The following ITPRIPL2 variants were observed in gnomAD, a reference collection of about 807,000 sequenced individuals.
The protein encoded by ITPRIPL2 is ITPRIP like 2.
Under a neutral mutation model 31.7 loss-of-function variants are expected in ITPRIPL2, and 29 were observed. The observed-to-expected ratio is 0.91, with a 90% CI of 0.68 to 1.25. ITPRIPL2 has a LOEUF of 1.25. Ranked by LOEUF, ITPRIPL2 falls within the 50% of genes most tolerant of loss-of-function variation. The probability of loss-of-function intolerance (pLI) is 0.00; values close to 1 mark genes in which losing one functional copy is unlikely to be tolerated. For synonymous variants in ITPRIPL2, 344 were observed against 343.4 expected (o/e 1.00, Z -0.02); for missense variants, 696 against 739.1 (o/e 0.94, Z 0.68).
Position 19,120,427 on chromosome 16 carries a change from A to G in ITPRIPL2, c.*4358A>G, listed in dbSNP as rs1314893275. The G allele has an allele frequency of 7.5e-6, 1 of 133,900 alleles. No individual in the cohort carries two copies. The highest frequency in any genetic ancestry group is 2.2e-4 in the East Asian group (1 of 4,492). 8.3% of individuals were successfully genotyped at this position (133,900 alleles called of 1,614,324 possible). On this transcript the variant is annotated 3_prime_UTR_variant, in exon 1 of 1. Transcript: ENST00000381440. ...GACTTCACCCCTGAATGTTTCTATC[A>G]TTTTCTTTTCTTTTTTTTTTTTTTT... is the stretch of plus-strand genomic sequence containing the variant.
rs1963448220 is a variant in ITPRIPL2, at chr16:19,116,651, A to G, written c.*582A>G. ...ATTAATGTATTTTTAAAATGGTGCA[A>G]TCACAGGTGTTTGACAAGATTGTCA... On this transcript the variant is annotated 3_prime_UTR_variant, in exon 1 of 1. Coordinates refer to ENST00000381440, the MANE Select transcript of ITPRIPL2 (RefSeq NM_001034841.4). 1 of 167,112 alleles carries G rather than the reference A, an allele frequency of 6.0e-6. No homozygotes were observed. The highest frequency in any genetic ancestry group is 1.5e-5 in the Non-Finnish European group (1 of 68,146). 10.4% of individuals were successfully genotyped at this position (167,112 alleles called of 1,614,324 possible). A position where few individuals can be genotyped will look rare whatever the true frequency, so the allele number is the denominator to read the frequency against.
At position 19,119,947 on chromosome 16, in the gene ITPRIPL2, A is replaced by G. The variant is rs1298457542; in HGVS notation, c.*3878A>G. 1 of 166,988 alleles carries G rather than the reference A, an allele frequency of 6.0e-6. No homozygotes were observed. 10.3% of individuals were successfully genotyped at this position (166,988 alleles called of 1,614,324 possible). On this transcript the variant is annotated 3_prime_UTR_variant, in exon 1 of 1. Coordinates refer to ENST00000381440, the MANE Select transcript of ITPRIPL2 (RefSeq NM_001034841.4). ...ATTGCAGAATAACTTGTTTCTTTGTATTTTATTCTTACATTTAAATTAATT... is the reference window on the plus strand; with the variant it reads ...ATTGCAGAATAACTTGTTTCTTTGTGTTTTATTCTTACATTTAAATTAATT...
rs1344046416 is a variant in ITPRIPL2, at chr16:19,114,539, C to T, written c.78C>T (p.Leu26=). ...GCCTGTGCACCGCCCTGGTGTGCCTCTACCATGTCCTGCGGGGAAGCGGGG... is the reference window on the plus strand; with the variant it reads ...GCCTGTGCACCGCCCTGGTGTGCCTTTACCATGTCCTGCGGGGAAGCGGGG... The part of the protein sequence containing the change: ...VTGLCTALVC[L]YHVLRGSGGA... The change falls in exon 1 of 1, where the codon CTC becomes CTT. Residue 26 remains leucine, a synonymous_variant. Coordinates refer to ENST00000381440, the MANE Select transcript of ITPRIPL2 (RefSeq NM_001034841.4). 1 of 1,516,306 alleles carries T rather than the reference C, an allele frequency of 6.6e-7. No individual in the cohort carries two copies. The highest frequency in any genetic ancestry group is 8.8e-7 in the Non-Finnish European group (1 of 1,134,190). 93.9% of individuals were successfully genotyped at this position (1,516,306 alleles called of 1,614,324 possible).
chr16:19,119,039 T>C lies in ITPRIPL2; in HGVS notation c.*2970T>C, dbSNP rs1030519964. 3 of 413,484 alleles carry C rather than the reference T, an allele frequency of 7.3e-6. No individual in the cohort carries two copies. The highest frequency in any genetic ancestry group is 3.6e-5 in the East Asian group (1 of 28,088). The allele number at this position is 413,484 out of a possible 1,614,324, so 25.6% of individuals were successfully genotyped here. On this transcript the variant is annotated 3_prime_UTR_variant, in exon 1 of 1. Coordinates refer to ENST00000381440, the MANE Select transcript of ITPRIPL2 (RefSeq NM_001034841.4). ...AAAAAATTAGTTGTCCAGCCAGTGC[T>C]GGAGGAAAATGTTTCTGGGGAAGAT... is the stretch of plus-strand genomic sequence containing the variant.
Position 19,114,897 on chromosome 16 carries a change from G to A in ITPRIPL2, c.436G>A (p.Gly146Arg), listed in dbSNP as rs1249362049. 2 of 1,609,808 alleles carry A rather than the reference G, an allele frequency of 1.2e-6. No individual in the cohort carries two copies. The highest frequency in any genetic ancestry group is 1.3e-5 in the African/African-American group (1 of 74,888). ...ARGSPGLIPG[G>R]ALALAFRGDF... ...GGGGTCCCCCGGTCTCATTCCTGGG[G>A]GAGCGCTGGCCTTGGCCTTCCGCGG... Residue 146 changes from glycine (G) to arginine (R), a missense_variant, in exon 1 of 1, where the codon GGA (glycine) becomes AGA (arginine). Gly to Arg is a moderately radical substitution (Grantham distance 125). Transcript: ENST00000381440.
rs1963491182 is a variant in ITPRIPL2, at chr16:19,119,805, C to CT, written c.*3741dup. 1 of 166,950 alleles carries CT rather than the reference C, an allele frequency of 6.0e-6. No individual in the cohort carries two copies. Among genetic ancestry groups the CT allele is most frequent in the South Asian group, 2.1e-4 (1 of 4,822 alleles). The allele number at this position is 166,950 out of a possible 1,614,324, so 10.3% of individuals were successfully genotyped here. A position where few individuals can be genotyped will look rare whatever the true frequency, so the allele number is the denominator to read the frequency against. On this transcript the variant is annotated 3_prime_UTR_variant, in exon 1 of 1. Coordinates refer to ENST00000381440, the MANE Select transcript of ITPRIPL2 (RefSeq NM_001034841.4). ...GAGGACACTTGATCTCGAAGCTGCT[C>CT]TTTTTGAGTCAGATCCTACATCAAA...
chr16:19,121,138 TG>T lies in ITPRIPL2; in HGVS notation c.*5072del, dbSNP rs1963515977. The stretch of plus-strand genomic sequence containing the variant: ...CTGGGGGGATAAAGCATGTATAAGT[TG>T]GGAGAGGGTAAAGAATGTGTGACTA... On this transcript the variant is annotated 3_prime_UTR_variant, in exon 1 of 1. Coordinates refer to ENST00000381440, the MANE Select transcript of ITPRIPL2 (RefSeq NM_001034841.4). 1 of 166,934 alleles carries T rather than the reference TG, an allele frequency of 6.0e-6. No individual in the cohort carries two copies. Among genetic ancestry groups the T allele is most frequent in the Non-Finnish European group, 1.5e-5 (1 of 68,090 alleles). 10.3% of individuals were successfully genotyped at this position (166,934 alleles called of 1,614,324 possible).
At position 19,115,319 on chromosome 16, in the gene ITPRIPL2, C is replaced by T. The variant is rs769675258; in HGVS notation, c.858C>T (p.Pro286=). Residue 286 remains proline, a synonymous_variant, in exon 1 of 1, where the codon CCC becomes CCT. Coordinates refer to ENST00000381440, the MANE Select transcript of ITPRIPL2 (RefSeq NM_001034841.4). The part of the protein sequence containing the change: ...VTLTPGGLEQ[P]PTLHILPCRT... The stretch of plus-strand genomic sequence containing the variant: ...TGACCCCAGGTGGCCTGGAACAGCC[C>T]CCCACCTTACACATCTTGCCCTGCC... 1.2e-6 allele frequency: 2 copies of T among 1,613,480 alleles called. No individual in the cohort carries two copies. Among genetic ancestry groups the T allele is most frequent in the South Asian group, 1.1e-5 (1 of 91,082 alleles).
chr16:19,121,070 G>C lies in ITPRIPL2; in HGVS notation c.*5001G>C, dbSNP rs1203202599. On this transcript the variant is annotated 3_prime_UTR_variant, in exon 1 of 1. Transcript: ENST00000381440. Reference sequence around the variant, plus strand: ...TAGTTTTTTTTTTTTTAAATCACTTGTTTAGATACAACTTTATTTTTTTAT... The same window carrying C: ...TAGTTTTTTTTTTTTTAAATCACTTCTTTAGATACAACTTTATTTTTTTAT... 1 of 164,572 alleles carries C rather than the reference G, an allele frequency of 6.1e-6. No individual in the cohort carries two copies. Among genetic ancestry groups the C allele is most frequent in the Non-Finnish European group, 1.5e-5 (1 of 67,716 alleles). The allele number at this position is 164,572 out of a possible 1,614,324, so 10.2% of individuals were successfully genotyped here.
In ITPRIPL2 at chr16:19,115,748, C is replaced by G. The variant is rs114058243; in HGVS notation, c.1287C>G (p.His429Gln). The G allele has an allele frequency of 5.4e-5, 87 of 1,613,068 alleles. No individual in the cohort carries two copies. The East Asian group carries it at 1.6e-3, about 29-fold the overall frequency. ...CTGGGCAAGGCTGGGACGAGGAGCA[C>G]CTGGGAAGGTGTTTGGAGGAGTTGG... is the stretch of plus-strand genomic sequence containing the variant. ...GAPGQGWDEEHLGRCLEELVQ... is the reference protein window; with the variant it reads ...GAPGQGWDEEQLGRCLEELVQ... The change falls in exon 1 of 1, where the codon CAC (histidine) becomes CAG (glutamine). Residue 429 changes from histidine to glutamine, a missense_variant. Transcript: ENST00000381440.
chr16:19,115,183 G>C lies in ITPRIPL2; in HGVS notation c.722G>C (p.Arg241Pro). 1 of 1,606,738 alleles carries C rather than the reference G, an allele frequency of 6.2e-7. No homozygotes were observed. The highest frequency in any genetic ancestry group is 8.5e-7 in the Non-Finnish European group (1 of 1,179,972). The change falls in exon 1 of 1, where the codon CGC (arginine) becomes CCC (proline). Residue 241 changes from arginine (R) to proline (P), a missense_variant. Physicochemically the swap from Arg to Pro is moderately radical, Grantham distance 103. Coordinates refer to ENST00000381440, the MANE Select transcript of ITPRIPL2 (RefSeq NM_001034841.4). ...PFADAFCVDV[R>P]GRRHLSATLV... is the part of the protein sequence containing the mutation. The stretch of plus-strand genomic sequence containing the variant: ...GCTGATGCCTTCTGCGTGGATGTGC[G>C]CGGGCGGCGTCACCTCTCTGCTACT...
chr16:19,120,093 GTTTTTT>G lies in ITPRIPL2; in HGVS notation c.*4025_*4030del, dbSNP rs912061983. 11 of 167,050 alleles carry G rather than the reference GTTTTTT, an allele frequency of 6.6e-5. No individual in the cohort carries two copies. The highest frequency in any genetic ancestry group is 2.7e-4 in the African/African-American group (11 of 41,502). The allele number at this position is 167,050 out of a possible 1,614,324, so 10.3% of individuals were successfully genotyped here. On this transcript the variant is annotated 3_prime_UTR_variant, in exon 1 of 1. Coordinates refer to ENST00000381440, the MANE Select transcript of ITPRIPL2 (RefSeq NM_001034841.4). ...ACCAAGAACACAGGTTTTTGTTTTTGTTTTTTGAGACAGGGTCTCAGTCTGTTGCCC... is the reference window on the plus strand; with the variant it reads ...ACCAAGAACACAGGTTTTTGTTTTTGGAGACAGGGTCTCAGTCTGTTGCCC...
In ITPRIPL2 at chr16:19,116,846, A is replaced by G. The variant is rs1963450540; in HGVS notation, c.*777A>G. On this transcript the variant is annotated 3_prime_UTR_variant, in exon 1 of 1. Coordinates refer to ENST00000381440, the MANE Select transcript of ITPRIPL2 (RefSeq NM_001034841.4). ...ATTTATTATTAAATGTACAACCTTG[A>G]AAAGCAGCCAGCATGCTTGCCTAAC... The G allele has an allele frequency of 6.0e-6, 1 of 167,124 alleles. No individual in the cohort carries two copies. The allele number at this position is 167,124 out of a possible 1,614,324, so 10.4% of individuals were successfully genotyped here.
chr16:19,119,354 T>G lies in ITPRIPL2; in HGVS notation c.*3285T>G. The G allele has an allele frequency of 3.9e-6, 1 of 254,642 alleles. No homozygotes were observed. The highest frequency in any genetic ancestry group is 7.9e-6 in the Non-Finnish European group (1 of 126,586). 15.8% of individuals were successfully genotyped at this position (254,642 alleles called of 1,614,324 possible). ...TTTTAGTGCTATTTCCAACCAGGGG[T>G]CGCAAACTCAGCAGCCTGTAGAAAC... On this transcript the variant is annotated 3_prime_UTR_variant, in exon 1 of 1. Coordinates refer to ENST00000381440, the MANE Select transcript of ITPRIPL2 (RefSeq NM_001034841.4).
In ITPRIPL2 at chr16:19,114,301, A is replaced by G. The variant is rs1963400585; in HGVS notation, c.-161A>G. On this transcript the variant is annotated 5_prime_UTR_variant, in exon 1 of 1. Coordinates refer to ENST00000381440, the MANE Select transcript of ITPRIPL2 (RefSeq NM_001034841.4). The stretch of plus-strand genomic sequence containing the variant: ...ACACTTGAGCTGGGAGAGGAGGCCG[A>G]GCTGGAGGGCGGCCTCCCTCGGGCC... The G allele has an allele frequency of 2.3e-6, 1 of 426,102 alleles. No homozygotes were observed. The highest frequency in any genetic ancestry group is 2.1e-5 in the African/African-American group (1 of 48,752). The allele number at this position is 426,102 out of a possible 1,614,324, so 26.4% of individuals were successfully genotyped here. A position where few individuals can be genotyped will look rare whatever the true frequency, so the allele number is the denominator to read the frequency against.
Position 19,115,743 on chromosome 16 carries a change from G to A in ITPRIPL2, c.1282G>A (p.Glu428Lys). The A allele has an allele frequency of 6.2e-7, 1 of 1,613,076 alleles. No individual in the cohort carries two copies. The highest frequency in any genetic ancestry group is 1.1e-5 in the South Asian group (1 of 91,080). ...GGCCCCTGGGCAAGGCTGGGACGAG[G>A]AGCACCTGGGAAGGTGTTTGGAGGA... is the stretch of plus-strand genomic sequence containing the variant. Reference protein sequence around the residue: ...KGAPGQGWDEEHLGRCLEELV... With the variant: ...KGAPGQGWDEKHLGRCLEELV... The change falls in exon 1 of 1, where the codon GAG (glutamate) becomes AAG (lysine). Residue 428 changes from glutamate (E) to lysine (K), a missense_variant. Coordinates refer to ENST00000381440, the MANE Select transcript of ITPRIPL2 (RefSeq NM_001034841.4).
In ITPRIPL2 at chr16:19,116,213, A is replaced by T; in HGVS notation, c.*144A>T. The T allele has an allele frequency of 1.4e-6, 1 of 726,436 alleles. No individual in the cohort carries two copies. Among genetic ancestry groups the T allele is most frequent in the Non-Finnish European group, 2.3e-6 (1 of 436,524 alleles). 45.0% of individuals were successfully genotyped at this position (726,436 alleles called of 1,614,324 possible). ...GGCTGCCACAAGCTTTAGTGGCTTAAATATCACCTTCTCGCTTCACAGTCC... is the reference window on the plus strand; with the variant it reads ...GGCTGCCACAAGCTTTAGTGGCTTATATATCACCTTCTCGCTTCACAGTCC... On this transcript the variant is annotated 3_prime_UTR_variant, in exon 1 of 1. Transcript: ENST00000381440.
chr16:19,116,005 A>T lies in ITPRIPL2; in HGVS notation c.1544A>T (p.Tyr515Phe). The change falls in exon 1 of 1, where the codon TAC (tyrosine) becomes TTC (phenylalanine). Residue 515 changes from tyrosine to phenylalanine, a missense_variant. Coordinates refer to ENST00000381440, the MANE Select transcript of ITPRIPL2 (RefSeq NM_001034841.4). ...CTCCGGGCCTACGGGGGTCCCCGCT[A>T]CCTTGCCAGGTGCCCCCCACCCCGG... ...QLLRAYGGPR[Y>F]LARCPPPRSQ... The T allele has an allele frequency of 6.2e-7, 1 of 1,611,128 alleles. No individual in the cohort carries two copies. The highest frequency in any genetic ancestry group is 1.7e-5 in the Admixed American group (1 of 59,866).
In ITPRIPL2 at chr16:19,120,625, A is replaced by ATATATATATTTT. The variant is rs1248708235; in HGVS notation, c.*4557_*4558insATATATATTTTT. 2 of 92,164 alleles carry ATATATATATTTT rather than the reference A, an allele frequency of 2.2e-5. No individual in the cohort carries two copies. The allele number at this position is 92,164 out of a possible 1,614,324, so 5.7% of individuals were successfully genotyped here. On this transcript the variant is annotated 3_prime_UTR_variant, in exon 1 of 1. Transcript: ENST00000381440. ...CTAATATATATATATATATATATAT[A>ATATATATATTTT]TTTTTTTTTTTTTTTTTTAGTAGAG...
Sources: allele counts gnomAD v4.1 joint callset, GRCh38; gene constraint gnomAD v4.1.1; transcripts MANE v1.5; gene names NCBI Gene and HGNC (gene_info 2026-07-23, HGNC 2026-07-21).